Variants in CA10 observed in about 807,000 individuals in gnomAD.
CA10 encodes carbonic anhydrase 10 (inactive).
In CA10, 14 loss-of-function variants were observed where a neutral mutation model predicts 44.2. The ratio of observed to expected loss-of-function variants is 0.32; its 90% CI spans 0.21 to 0.50. The LOEUF is 0.50. Among genes scored for constraint, CA10 ranks in the 20% least tolerant of loss-of-function variants. CA10 has a pLI of 0.99. For missense variants in CA10, 350 were observed against 409.7 expected (o/e 0.85, Z 1.26); for synonymous variants, 159 against 141.6 (o/e 1.12, Z -0.87).
intron 3 of CA10, among the ~76,000 whole-genome samples, chr17:51,920,903 C>G (rs910502598): frequency 6.6e-6 from 1 of 152,154 alleles, no homozygotes; most frequent in Admixed American, 6.5e-5. Context: ...ATTTTAAAAT[C>G]TGTAATCAAA....
intron 3 of CA10, among the ~76,000 whole-genome samples, chr17:51,867,766 G>A (rs918313589): frequency 6.6e-6 from 1 of 152,190 alleles, no homozygotes; most frequent in African/African-American, 2.4e-5. Context: ...GACCTAGAGG[G>A]AATTGGTAAT....
At chr17:51,689,370 T>G (rs1915111194) in intron 4 of CA10, among the ~76,000 whole-genome samples, 1 of 152,224 alleles carries the variant, frequency 6.6e-6, no homozygotes, top group Non-Finnish European at 1.5e-5. Context: ...CCCAGGGCCA[T>G]TTGATTCCAA....
chr17:51,837,445 A>C (rs556070130), intron 3 of CA10, among the ~76,000 whole-genome samples: 1 of 152,348 alleles, frequency 6.6e-6, no homozygotes, highest in South Asian at 2.1e-4. Flanking sequence ...TCTCATGACC[A>C]CATTACGATA....
intron 2 of CA10, among the ~76,000 whole-genome samples, chr17:51,952,252 G>A (rs1020484232): frequency 6.6e-6 from 1 of 152,096 alleles, no homozygotes; most frequent in Non-Finnish European, 1.5e-5. Flanking sequence ...TCACACACTG[G>A]GTGGTGAAAC....
At chr17:51,685,641 AAT>A (rs1463776231) in intron 4 of CA10, among the ~76,000 whole-genome samples, 13 of 152,204 alleles carry the variant, frequency 8.5e-5, no homozygotes, top group African/African-American at 2.9e-4. Context: ...AATGTAAAAT[AAT>A]ATGTCTTGGA....
intron 3 of CA10, among the ~76,000 whole-genome samples, chr17:51,930,555 A>G (rs954293556): frequency 6.9e-5 from 8 of 115,130 alleles, no homozygotes; most frequent in Non-Finnish European, 1.4e-4. Flanking sequence ...TAAATCATCT[A>G]AGGTGATTTT....
chr17:51,852,196 T>C (rs898167905), intron 3 of CA10, among the ~76,000 whole-genome samples: 3 of 152,138 alleles, frequency 2.0e-5, no homozygotes, highest in Non-Finnish European at 4.4e-5. Flanking sequence ...CATTCATTTG[T>C]TTGCAAGACA....
At chr17:51,703,372 T>A (rs1567809649) in intron 4 of CA10, among the ~76,000 whole-genome samples, 1 of 152,108 alleles carries the variant, frequency 6.6e-6, no homozygotes, top group Admixed American at 6.5e-5. Context: ...GGAAAGATAA[T>A]GATATTCCAA....
Position 51,878,934 on chromosome 17 carries a change from G to GTA in CA10, c.279+52054_279+52055dup, listed in dbSNP as rs372665545. On this transcript the variant is annotated intron_variant, in intron 3 of 8. Coordinates refer to ENST00000451037, the MANE Select transcript of CA10 (RefSeq NM_020178.5). ...TGTGTATGTGTGTATGTGTGTTTGT[G>GTA]TATATATATATATAATGAACAAATA... is the stretch of plus-strand genomic sequence containing the variant. Among the ~76,000 whole-genome samples the GTA allele has an allele frequency of 9.8e-3, 1,223 of 124,796 alleles. 53 individuals are homozygous for GTA. The highest frequency in any genetic ancestry group is 0.031 in the African/African-American group (1,004 of 32,000). The allele number at this position is 124,796 out of a possible 152,430, so 81.9% of individuals were successfully genotyped here. A position where few individuals can be genotyped will look rare whatever the true frequency, so the allele number is the denominator to read the frequency against.
intron 2 of CA10, among the ~76,000 whole-genome samples, chr17:52,020,508 C>T (rs1354692723): frequency 6.6e-6 from 1 of 151,928 alleles, no homozygotes; most frequent in Non-Finnish European, 1.5e-5. Context: ...TTGTTTTCTG[C>T]AAATCCGTCA....
At chr17:52,040,887 C>G (rs533274521) in intron 2 of CA10, among the ~76,000 whole-genome samples, 1 of 152,054 alleles carries the variant, frequency 6.6e-6, no homozygotes, top group Admixed American at 6.5e-5. Context: ...GAAGAATACC[C>G]AAAGCCAGGG....
intron 3 of CA10, among the ~76,000 whole-genome samples, chr17:51,828,305 T>C (rs1908106726): frequency 1.3e-5 from 2 of 152,172 alleles, no homozygotes; most frequent in Admixed American, 6.5e-5. Flanking sequence ...GTCTTCTCTC[T>C]GAAGTCTCCC....
intron 3 of CA10, among the ~76,000 whole-genome samples, chr17:51,773,258 G>GC (rs1905679947): frequency 6.6e-6 from 1 of 152,216 alleles, no homozygotes; most frequent in Non-Finnish European, 1.5e-5. Flanking sequence ...CCCAACCCTG[G>GC]TTATAGAGGA....
intron 4 of CA10, among the ~76,000 whole-genome samples, chr17:51,682,345 A>G (rs1241028320): frequency 1.3e-5 from 2 of 152,188 alleles, no homozygotes; most frequent in Non-Finnish European, 2.9e-5. Context: ...TGGCAAAATG[A>G]AACTTCCCCT....
At chr17:51,849,231 GTGTATATATA>G (rs1277915358) in intron 3 of CA10, among the ~76,000 whole-genome samples, 36 of 55,892 alleles carry the variant, frequency 6.4e-4, no homozygotes, top group African/African-American at 1.1e-3. Flanking sequence ...ATATATGTGT[GTGTATATATA>G]TATATATATA....
intron 2 of CA10, among the ~76,000 whole-genome samples, chr17:52,020,738 T>C (rs543954543): frequency 1.3e-5 from 2 of 152,126 alleles, no homozygotes; most frequent in East Asian, 3.9e-4. Context: ...GTTTGGGGCA[T>C]GATTGATTCC....
At chr17:51,680,497 A>T (rs1257251259) in intron 4 of CA10, among the ~76,000 whole-genome samples, 7 of 152,230 alleles carry the variant, frequency 4.6e-5, no homozygotes, top group Non-Finnish European at 1.0e-4. Context: ...AAGGCCAGGT[A>T]TAACAGTGGA....
In CA10 at chr17:51,649,227, T is replaced by C. The variant is rs1373462172; in HGVS notation, c.589A>G (p.Asn197Asp). 1 of 1,613,558 alleles carries C rather than the reference T, an allele frequency of 6.2e-7. No homozygotes were observed. The change falls in exon 6 of 9, where the codon AAT becomes GAT. Residue 197 changes from asparagine to aspartate, a missense_variant. Asn to Asp is a conservative substitution (Grantham distance 23). Coordinates refer to ENST00000451037, the MANE Select transcript of CA10 (RefSeq NM_020178.5). ...KVSDSSNPFLNRMLNRDTITR... is the reference protein window; with the variant it reads ...KVSDSSNPFLDRMLNRDTITR... ...ATAGTATCTCTGTTGAGCATTCGAT[T>C]AAGAAATGGGTTTGATGAATCAGAA...
rs1044451326 is a variant in CA10, at chr17:51,799,207, A to C, written c.280-51389T>G. On this transcript the variant is annotated intron_variant, in intron 3 of 8. Transcript: ENST00000451037. ...TTTCATCTTTTTATCCTCAGTATTT[A>C]AGACACTGTCTTATATCAGTTATTT... is the stretch of plus-strand genomic sequence containing the variant. Among the ~76,000 whole-genome samples, 3 of 152,330 alleles carry C rather than the reference A, an allele frequency of 2.0e-5. No homozygotes were observed. The East Asian group carries it at 5.8e-4, about 29-fold the overall frequency.
Sources: allele counts gnomAD v4.1 joint callset (sites outside exome capture counted in the v4.1 genomes callset), GRCh38; gene constraint gnomAD v4.1.1; transcripts MANE v1.5; gene names NCBI Gene and HGNC (gene_info 2026-07-23, HGNC 2026-07-21).